The following CTNND2 variants were observed in gnomAD, a reference collection of about 807,000 sequenced individuals.
The protein encoded by CTNND2 is catenin delta 2, also known as catenin delta-2.
In CTNND2, 22 loss-of-function variants were observed where a neutral mutation model predicts 144.4. The ratio of observed to expected loss-of-function variants is 0.15; its 90% CI spans 0.11 to 0.22. The LOEUF (loss-of-function observed/expected upper bound fraction) is 0.22, where lower values mean the gene tolerates loss of function less well. CTNND2 is among the 10% of genes least tolerant of loss of function. The pLI is 1.00. For synonymous variants in CTNND2, 751 were observed against 695.6 expected (o/e 1.08, Z -1.25); for missense variants, 1,353 against 1,618.8 (o/e 0.84, Z 2.82).
intron 1 of CTNND2, among the ~76,000 whole-genome samples, chr5:11,829,691 G>A (rs936129178): frequency 6.6e-6 from 1 of 152,174 alleles, no homozygotes; most frequent in Non-Finnish European, 1.5e-5. Flanking sequence ...ACCTCTACTC[G>A]GGCAGTGCAG....
rs570774664 is a variant in CTNND2, at chr5:11,009,648, G to A, written c.3084+8326C>T. On this transcript the variant is annotated intron_variant, in intron 18 of 21. Coordinates refer to ENST00000304623, the MANE Select transcript of CTNND2 (RefSeq NM_001332.4). ...CTTTTGTCTCTGGGGTATTTTTGTAGGGTTTGATTCAAAAATGTTACGAGC... is the reference window on the plus strand; with the variant it reads ...CTTTTGTCTCTGGGGTATTTTTGTAAGGTTTGATTCAAAAATGTTACGAGC... 3.6e-4 allele frequency among the ~76,000 whole-genome samples: 55 copies of A among 152,304 alleles called. No homozygotes were observed. The South Asian group carries it at 0.011, about 31-fold the overall frequency.
chr5:11,587,934 A>G (rs1420881395), intron 2 of CTNND2, among the ~76,000 whole-genome samples: 3 of 151,804 alleles, frequency 2.0e-5, no homozygotes, highest in Non-Finnish European at 2.9e-5. Flanking sequence ...TTTTTTAACT[A>G]CAGTGGTGGC....
chr5:11,564,863 G>A (rs921412241), intron 3 of CTNND2, 81 bp downstream of exon 3: 19 of 899,778 alleles, frequency 2.1e-5, no homozygotes, highest in East Asian at 1.6e-4. Flanking sequence ...TTCCACCACC[G>A]GGTTGGAAAG....
In CTNND2 at chr5:11,714,288, T is replaced by C. The variant is rs148188231; in HGVS notation, c.174+17848A>G. Reference sequence around the variant, plus strand: ...CTCAACACCTCTTTAAATGTTTTTATTTTCCTAGGGATAATGACAATTTTT... The same window carrying C: ...CTCAACACCTCTTTAAATGTTTTTACTTTCCTAGGGATAATGACAATTTTT... On this transcript the variant is annotated intron_variant, in intron 2 of 21. Coordinates refer to ENST00000304623, the MANE Select transcript of CTNND2 (RefSeq NM_001332.4). 5.8e-3 allele frequency among the ~76,000 whole-genome samples: 879 copies of C among 152,294 alleles called. 8 individuals carry two copies. The highest frequency in any genetic ancestry group is 0.02 in the African/African-American group (848 of 41,560).
At chr5:11,007,734 T>C (rs2096122092) in intron 18 of CTNND2, among the ~76,000 whole-genome samples, 1 of 152,254 alleles carries the variant, frequency 6.6e-6, no homozygotes, top group South Asian at 2.1e-4. Context: ...ATGACAGCAC[T>C]GTGGGATCTC....
At chr5:11,790,594 T>C (rs1170454402) in intron 1 of CTNND2, among the ~76,000 whole-genome samples, 1 of 152,216 alleles carries the variant, frequency 6.6e-6, no homozygotes, top group Non-Finnish European at 1.5e-5. Flanking sequence ...TGATTTTTCT[T>C]GATGAATGTG....
chr5:11,352,912 G>A (rs567130449), intron 8 of CTNND2, among the ~76,000 whole-genome samples: 1 of 152,178 alleles, frequency 6.6e-6, no homozygotes, highest in South Asian at 2.1e-4. Flanking sequence ...AATAAAAAAG[G>A]AAAGAAAAAT....
chr5:11,030,754 G>GTTTTTTTTT (rs61312361), intron 16 of CTNND2, among the ~76,000 whole-genome samples: 4 of 100,760 alleles, frequency 4.0e-5, no homozygotes, highest in African/African-American at 1.3e-4. Flanking sequence ...TATGGTTTCT[G>GTTTTTTTTT]TTTTTTTTTT....
intron 2 of CTNND2, among the ~76,000 whole-genome samples, chr5:11,727,337 G>A (rs565909881): frequency 6.6e-6 from 1 of 152,198 alleles, no homozygotes; most frequent in South Asian, 2.1e-4. Context: ...CTGTACGTAT[G>A]AAACTCACAA....
rs756665079 is a variant in CTNND2, at chr5:11,384,744, G to A, written c.1098C>T (p.Val366=). ...YATLSPTKRL[V]HASEQYSKHS... is the part of the protein sequence containing the mutation. ...GCTTGCTGTACTGCTCGGACGCGTG[G>A]ACCAGGCGCTTGGTGGGCGACAGGG... The change falls in exon 7 of 22, where the codon GTC becomes GTT. Residue 366 remains valine (V), a synonymous_variant. Transcript: ENST00000304623. This position sits in a 1 kb window ranked among gnomAD's most constrained non-coding sequence, Gnocchi z 5.2. The A allele has an allele frequency of 1.2e-6, 2 of 1,612,948 alleles. No homozygotes were observed. Among genetic ancestry groups the A allele is most frequent in the Non-Finnish European group, 1.7e-6 (2 of 1,179,686 alleles).
At chr5:11,409,247 T>A (rs1273181855) in intron 5 of CTNND2, among the ~76,000 whole-genome samples, 2 of 152,072 alleles carry the variant, frequency 1.3e-5, no homozygotes, top group Non-Finnish European at 2.9e-5. Flanking sequence ...TTTTATTATT[T>A]ACTTTTAGTG....
intron 9 of CTNND2, among the ~76,000 whole-genome samples, chr5:11,330,193 TG>T (rs1445518867): frequency 6.6e-6 from 1 of 151,222 alleles, no homozygotes; most frequent in Non-Finnish European, 1.5e-5. Context: ...AAAATCTGGC[TG>T]GGCACGGTGG....
chr5:11,202,639 C>T (rs535692703), intron 10 of CTNND2, among the ~76,000 whole-genome samples: 91 of 152,264 alleles, frequency 6.0e-4, no homozygotes, highest in African/African-American at 2.2e-3. Flanking sequence ...CCTCCTCCCC[C>T]TGCAGCCTCC....
rs1398822401 is a variant in CTNND2 at position 11,646,374 on chromosome 5, G to A, written c.175-81318C>T. 9.9e-5 allele frequency among the ~76,000 whole-genome samples: 15 copies of A among 152,224 alleles called. No homozygotes were observed. In the East Asian group the frequency reaches 1.2e-3, roughly 12 times the overall value. On this transcript the variant is annotated intron_variant, in intron 2 of 21. Transcript: ENST00000304623. ...AGGAGTTGCCCAAAGTCATCAAGAC[G>A]GCAGACAGCAAAGCTGGGATTCATA...
At chr5:11,250,477 C>A (rs1374340680) in intron 9 of CTNND2, among the ~76,000 whole-genome samples, 5 of 63,114 alleles carry the variant, frequency 7.9e-5, no homozygotes, top group African/African-American at 4.9e-4. Flanking sequence ...CTCTCTCTCT[C>A]TCTCTCTCTC....
At chr5:11,219,824 T>C (rs557630211) in intron 10 of CTNND2, among the ~76,000 whole-genome samples, 1 of 152,302 alleles carries the variant, frequency 6.6e-6, no homozygotes, top group East Asian at 1.9e-4. Flanking sequence ...CTTTGGAAAT[T>C]ATTCAGCTCT....
intron 9 of CTNND2, among the ~76,000 whole-genome samples, chr5:11,314,054 A>C (rs1384331183): frequency 1.3e-5 from 2 of 152,116 alleles, no homozygotes; most frequent in Non-Finnish European, 2.9e-5. Flanking sequence ...ATTTGACATG[A>C]GATTTAGGTG....
intron 1 of CTNND2, among the ~76,000 whole-genome samples, chr5:11,880,501 G>GTACTACTAC (rs10648206): frequency 7.9e-6 from 1 of 126,032 alleles, no homozygotes; most frequent in South Asian, 2.9e-4. Context: ...ACTGCTACTA[G>GTACTACTAC]TACTACTACT....
chr5:11,804,068 A>C (rs1397123066), intron 1 of CTNND2, among the ~76,000 whole-genome samples: 1 of 152,210 alleles, frequency 6.6e-6, no homozygotes, highest in African/African-American at 2.4e-5. Context: ...AGACTCTGAC[A>C]GGGACTTCTA....
Sources: gnomAD v4.1 joint callset for allele counts (sites outside exome capture counted in the v4.1 genomes callset) on GRCh38, gnomAD v4.1.1 for gene constraint, Gnocchi (gnomAD v3.1) non-coding constraint, MANE v1.5 for transcripts, NCBI Gene and HGNC (gene_info 2026-07-23, HGNC 2026-07-21) for gene names.